Variants in GTF3C6 observed in about 807,000 individuals in gnomAD.
The protein encoded by GTF3C6 is general transcription factor 3C polypeptide 6.
Under a neutral mutation model 19.2 loss-of-function variants are expected in GTF3C6, and 11 were observed. The observed-to-expected ratio is 0.57, with a 90% CI of 0.36 to 0.95. GTF3C6 has a LOEUF of 0.95. GTF3C6 is among the 40% of genes least tolerant of loss of function. GTF3C6 has a pLI of 0.01. For synonymous variants in GTF3C6, 87 were observed against 84.2 expected (o/e 1.03, Z -0.18); for missense variants, 222 against 254.7 (o/e 0.87, Z 0.87).
chr6:110,959,352 T>C, intron 2 of GTF3C6, 100 bp downstream of exon 2: 1 of 748,526 alleles, frequency 1.3e-6, no homozygotes, highest in Non-Finnish European at 2.3e-6. Context: ...TATATTTATT[T>C]CACCTTACAA....
chr6:110,966,670 C>T (rs552178696), intron 5 of GTF3C6, among the ~76,000 whole-genome samples: 6 of 152,240 alleles, frequency 3.9e-5, no homozygotes, highest in African/African-American at 1.4e-4. Flanking sequence ...TAGGAACTTG[C>T]ATTCTAAAGT....
At position 110,960,684 on chromosome 6, in the gene GTF3C6, T is replaced by G. The variant is rs374846700; in HGVS notation, c.247+68T>G. ...CAATCATACTTAAGCATAATAAATATCTCATGTATCCACTGTCTAGCTGTA... is the reference window on the plus strand; with the variant it reads ...CAATCATACTTAAGCATAATAAATAGCTCATGTATCCACTGTCTAGCTGTA... On this transcript the variant is annotated intron_variant, in intron 4 of 5. Coordinates refer to ENST00000329970, the MANE Select transcript of GTF3C6 (RefSeq NM_138408.4). 175 of 1,149,698 alleles carry G rather than the reference T, an allele frequency of 1.5e-4. 1 individual carries two copies. The highest frequency in any genetic ancestry group is 2.7e-4 in the Admixed American group (16 of 59,280). The allele number at this position is 1,149,698 out of a possible 1,614,324, so 71.2% of individuals were successfully genotyped here.
intron 5 of GTF3C6, among the ~76,000 whole-genome samples, chr6:110,967,141 G>A (rs986923222): frequency 4.0e-5 from 6 of 151,614 alleles, no homozygotes; most frequent in African/African-American, 1.4e-4. Context: ...GTGACAGAGC[G>A]AGACTTTGTC....
At position 110,958,836 on chromosome 6, in the gene GTF3C6, G is replaced by A; in HGVS notation, c.57+10G>A. The stretch of plus-strand genomic sequence containing the variant: ...AGACGAGGAAGAGGAGGTAGTAAGC[G>A]CTACGCCAAAAGCCTGCACCGCAGT... On this transcript the variant is annotated intron_variant, in intron 1 of 5. Coordinates refer to ENST00000329970, the MANE Select transcript of GTF3C6 (RefSeq NM_138408.4). The A allele has an allele frequency of 1.9e-6, 3 of 1,550,912 alleles. No homozygotes were observed. The highest frequency in any genetic ancestry group is 1.7e-6 in the Non-Finnish European group (2 of 1,146,768).
intron 3 of GTF3C6, 25 bp from the exon 4 acceptor site, chr6:110,960,547 A>G (rs768755976): frequency 6.2e-7 from 1 of 1,613,166 alleles, no homozygotes; most frequent in Non-Finnish European, 8.5e-7. Context: ...TCTTCTCAAC[A>G]ATTTGCCTTT....
In GTF3C6 at chr6:110,967,509, G is replaced by C; in HGVS notation, c.362-1G>C. The C allele has an allele frequency of 6.2e-7, 1 of 1,602,662 alleles. No individual in the cohort carries two copies. Among genetic ancestry groups the C allele is most frequent in the Admixed American group, 1.7e-5 (1 of 58,482 alleles). On this transcript the variant is annotated splice_acceptor_variant, in intron 5 of 5. Coordinates refer to ENST00000329970, the MANE Select transcript of GTF3C6 (RefSeq NM_138408.4). LOFTEE classifies it high-confidence loss of function. ...TTTATTCCTCATCCCCTCCAAATTA[G>C]GTGGGGTGGAATGGCTGCAAATAAA...
intron 4 of GTF3C6, 115 bp downstream of exon 4, chr6:110,960,731 A>T (rs1258805046): frequency 4.3e-5 from 38 of 893,698 alleles, no homozygotes; most frequent in Admixed American, 2.6e-4. Context: ...CATTTTCCCA[A>T]ACGTGACTCA....
chr6:110,959,328 T>C, intron 2 of GTF3C6, 76 bp downstream of exon 2: 1 of 849,488 alleles, frequency 1.2e-6, no homozygotes, highest in Admixed American at 2.0e-5. Flanking sequence ...GAAATACCTA[T>C]CCGCAAGTAT....
At chr6:110,958,871 G>C (rs750869516) in intron 1 of GTF3C6, 45 bp downstream of exon 1, 1 of 1,535,330 alleles carries the variant, frequency 6.5e-7, no homozygotes, top group Non-Finnish European at 8.8e-7. Context: ...TGGCGGTGAT[G>C]CCTGTGCTGG....
chr6:110,961,159 T>C (rs113749101), intron 4 of GTF3C6, among the ~76,000 whole-genome samples: 4,997 of 149,604 alleles, frequency 0.033, 101 homozygotes, highest in Middle Eastern at 0.072. Flanking sequence ...CCTGAATTCT[T>C]TTTTTTTTTG....
chr6:110,964,491 C>G (rs528245805), intron 5 of GTF3C6, among the ~76,000 whole-genome samples: 2 of 152,228 alleles, frequency 1.3e-5, no homozygotes, highest in East Asian at 3.9e-4. Context: ...CTGCTTGCCT[C>G]AGCCTCCCAA....
chr6:110,963,874 G>T (rs993377511), intron 5 of GTF3C6, among the ~76,000 whole-genome samples: 1 of 151,840 alleles, frequency 6.6e-6, no homozygotes, highest in African/African-American at 2.4e-5. Context: ...GATGATTTTT[G>T]TATTTTTATT....
At chr6:110,967,306 G>A (rs1031795549) in intron 5 of GTF3C6, among the ~76,000 whole-genome samples, 2 of 152,064 alleles carry the variant, frequency 1.3e-5, no homozygotes, top group African/African-American at 4.8e-5. Flanking sequence ...GATTTTGATG[G>A]TACCTACCTA....
chr6:110,965,192 T>G (rs966661314), intron 5 of GTF3C6, among the ~76,000 whole-genome samples: 1 of 146,192 alleles, frequency 6.8e-6, no homozygotes, highest in Admixed American at 6.9e-5. Flanking sequence ...ACCCAGCTGG[T>G]CTCAAACTCC....
intron 1 of GTF3C6, 89 bp downstream of exon 1, chr6:110,958,915 G>A: frequency 1.4e-6 from 2 of 1,399,138 alleles, no homozygotes; most frequent in Admixed American, 2.3e-5. Context: ...GGAGCTGCGG[G>A]CCGGAGGGAG....
intron 2 of GTF3C6, 120 bp from the exon 3 acceptor site, chr6:110,960,294 A>T: frequency 1.3e-6 from 1 of 750,076 alleles, no homozygotes; most frequent in Non-Finnish European, 2.2e-6. Context: ...TGTACTTGGT[A>T]GGACAAGATG....
intron 5 of GTF3C6, among the ~76,000 whole-genome samples, chr6:110,965,561 A>ACT (rs1302394395): frequency 6.6e-6 from 1 of 152,180 alleles, no homozygotes; most frequent in Non-Finnish European, 1.5e-5. Context: ...ATATCCCTGA[A>ACT]CTATCCCCTT....
chr6:110,960,686 T>C (rs200490302), intron 4 of GTF3C6, 70 bp downstream of exon 4: 4 of 1,045,066 alleles, frequency 3.8e-6, no homozygotes, highest in East Asian at 2.6e-5. Context: ...AATAAATATC[T>C]CATGTATCCA....
chr6:110,967,183 A>C (rs1771241319), intron 5 of GTF3C6, among the ~76,000 whole-genome samples: 1 of 151,964 alleles, frequency 6.6e-6, no homozygotes, highest in African/African-American at 2.4e-5. Flanking sequence ...GGAAGTGATA[A>C]GTTTCCTTGA....
Sources: allele counts gnomAD v4.1 joint callset (sites outside exome capture counted in the v4.1 genomes callset), GRCh38; gene constraint gnomAD v4.1.1; transcripts MANE v1.5; gene names NCBI Gene and HGNC (gene_info 2026-07-23, HGNC 2026-07-21).